The following NLRP11 variants were observed in gnomAD, a reference collection of about 807,000 sequenced individuals.
NLRP11 encodes NACHT, LRR and PYD domains-containing protein 11.
A neutral mutation model predicts 79.3 loss-of-function variants in NLRP11; 53 were observed. The ratio of observed to expected loss-of-function variants is 0.67; its 90% CI spans 0.54 to 0.84. The LOEUF (loss-of-function observed/expected upper bound fraction) is 0.84, where lower values mean the gene tolerates loss of function less well. NLRP11 is among the 40% of genes least tolerant of loss of function. The pLI is 0.00. For missense variants in NLRP11, 1,264 were observed against 1,255.0 expected, an observed-to-expected ratio of 1.01 and a Z score of -0.11; for synonymous variants, 518 against 462.6, an observed-to-expected ratio of 1.12 and a Z score of -1.54.
chr19:55,798,248 T>A, intron 5 of NLRP11: 1 of 840,988 alleles, frequency 1.2e-6, no homozygotes, highest in Non-Finnish European at 1.4e-6. Context: ...TCTGCCCGCC[T>A]CGGCCTCCCA....
At chr19:55,788,351 CAAGAGGA>C (rs964242040) in intron 9 of NLRP11, among the ~76,000 whole-genome samples, 4 of 150,238 alleles carry the variant, frequency 2.7e-5, no homozygotes, top group South Asian at 2.2e-4. Flanking sequence ...TTCAATCTCC[CAAGAGGA>C]AAGACTTTTT....
At chr19:55,799,837 A>G (rs373150124) in intron 5 of NLRP11, among the ~76,000 whole-genome samples, 126 of 152,118 alleles carry the variant, frequency 8.3e-4, no homozygotes, top group African/African-American at 2.9e-3. Context: ...CGTGGTGGCA[A>G]GCTCTTGTAA....
rs1395609774 is a variant in NLRP11, at chr19:55,809,260, G to A, written c.1350C>T (p.His450=). The change falls in exon 3 of 10, where the codon CAC becomes CAT. Residue 450 remains histidine, a synonymous_variant. Coordinates refer to ENST00000589093, the Ensembl canonical transcript of NLRP11. This position sits in a 1 kb window ranked among gnomAD's most constrained non-coding sequence, Gnocchi z 4.5. ...CTGTACAAAACTCCTGGACGTTCAAGTGTATGAACTTGTAACGGTCTTTAT... is the reference window on the plus strand; with the variant it reads ...CTGTACAAAACTCCTGGACGTTCAAATGTATGAACTTGTAACGGTCTTTAT... 2.5e-6 allele frequency: 4 copies of A among 1,614,042 alleles called. No individual in the cohort carries two copies. The highest frequency in any genetic ancestry group is 2.2e-5 in the South Asian group (2 of 91,086).
rs140886418 is a variant in NLRP11 at position 55,814,208 on chromosome 19, A to C, written c.271+3696T>G. On this transcript the variant is annotated intron_variant, in intron 2 of 9. Coordinates refer to ENST00000589093, the Ensembl canonical transcript of NLRP11. ...GAGGGATATAGGTTGCACCCTCCTT[A>C]TGAGAATCTAATGCCTGATGATCTG... Among the ~76,000 whole-genome samples, 224 of 152,238 alleles carry C rather than the reference A, an allele frequency of 1.5e-3. 2 individuals carry two copies. In the South Asian group the frequency reaches 0.015, roughly 10 times the overall value.
At chr19:55,794,819 T>C (rs1353479081) in intron 6 of NLRP11, among the ~76,000 whole-genome samples, 1 of 152,136 alleles carries the variant, frequency 6.6e-6, no homozygotes, top group African/African-American at 2.4e-5. Context: ...GAACAGGAGT[T>C]TCTGGTGTTA....
Position 55,801,493 on chromosome 19 carries a change from A to G in NLRP11, c.2171+79T>C. 2.7e-6 allele frequency: 3 copies of G among 1,132,076 alleles called. 1 individual carries two copies. Among genetic ancestry groups the G allele is most frequent in the South Asian group, 1.4e-5 (1 of 73,156 alleles). The allele number at this position is 1,132,076 out of a possible 1,614,324, so 70.1% of individuals were successfully genotyped here. ...TCAAAAGGTAGGAGCAGGTAGTGTT[A>G]TTGAAGGGGCACCTCTATCCACCAA... On this transcript the variant is annotated intron_variant, in intron 5 of 9. Coordinates refer to ENST00000589093, the Ensembl canonical transcript of NLRP11.
At chr19:55,810,410 T>C in intron 2 of NLRP11, 72 bp from the exon 3 acceptor site, 1 of 1,375,882 alleles carries the variant, frequency 7.3e-7, no homozygotes, top group Non-Finnish European at 9.9e-7. Flanking sequence ...CAGTTTTAGC[T>C]TCTTTTCATG....
intron 7 of NLRP11, 83 bp from the exon 8 acceptor site, chr19:55,789,482 C>T (rs896097598): frequency 2.1e-5 from 26 of 1,266,560 alleles, no homozygotes; most frequent in African/African-American, 4.5e-5. Context: ...TTCTTGGACC[C>T]GTCTTGTGAC....
chr19:55,823,173 G>A (rs1182791212), intron 1 of NLRP11, among the ~76,000 whole-genome samples: 3 of 131,964 alleles, frequency 2.3e-5, no homozygotes, highest in Non-Finnish European at 3.2e-5. Flanking sequence ...CACACGGCAG[G>A]GTATTCCAAC....
chr19:55,791,805 G>C (rs1329629980), intron 7 of NLRP11, among the ~76,000 whole-genome samples: 2 of 152,134 alleles, frequency 1.3e-5, no homozygotes, highest in African/African-American at 2.4e-5. Flanking sequence ...AGTTCAATCA[G>C]AGGCCATTGC....
intron 5 of NLRP11, among the ~76,000 whole-genome samples, chr19:55,798,504 G>A (rs771507910): frequency 2.0e-5 from 3 of 152,072 alleles, no homozygotes; most frequent in Non-Finnish European, 2.9e-5. Context: ...CACTGGGGCC[G>A]ACTTGAGGGC....
intron 1 of NLRP11, among the ~76,000 whole-genome samples, chr19:55,820,831 A>G (rs1270864436): frequency 2.6e-5 from 4 of 152,194 alleles, no homozygotes; most frequent in Non-Finnish European, 4.4e-5. Context: ...TGGTACCCTG[A>G]CATATGTACA....
exon 3 of NLRP11, chr19:55,810,294 G>A: frequency 6.2e-7 from 1 of 1,613,422 alleles, no homozygotes; most frequent in Non-Finnish European, 8.5e-7. Flanking sequence ...TCCCATTGCA[G>A]CATGAATTTT....
At chr19:55,798,013 T>TTTTA (rs1222849423) in intron 5 of NLRP11, among the ~76,000 whole-genome samples, 1 of 151,116 alleles carries the variant, frequency 6.6e-6, no homozygotes, top group African/African-American at 2.4e-5. Flanking sequence ...TTTTTTTTTT[T>TTTTA]GAGATGGAGT....
rs754394840 is a variant in NLRP11, at chr19:55,789,199, G to A, written c.2684+30C>T. The A allele has an allele frequency of 6.3e-6, 10 of 1,587,588 alleles. No homozygotes were observed. In the Admixed American group the frequency reaches 1.6e-4, roughly 26 times the overall value. ...TTTTCTTCAGCTGTTGCTAGCTAAA[G>A]GCAGGGATCTTTCTCCACCAGGCAC... is the stretch of plus-strand genomic sequence containing the variant. On this transcript the variant is annotated intron_variant, in intron 8 of 9. Coordinates refer to ENST00000589093, the Ensembl canonical transcript of NLRP11.
intron 2 of NLRP11, among the ~76,000 whole-genome samples, chr19:55,811,589 G>C (rs1226635858): frequency 6.6e-6 from 1 of 152,108 alleles, no homozygotes; most frequent in African/African-American, 2.4e-5. Context: ...TAGACTACCA[G>C]GGCTGCCTAG....
intron 9 of NLRP11, among the ~76,000 whole-genome samples, chr19:55,788,384 G>A (rs1170243191): frequency 9.1e-6 from 1 of 109,334 alleles, no homozygotes. Flanking sequence ...TTTTTGTATT[G>A]GAAACTGGCA....
chr19:55,787,228 G>GT (rs1193550495), intron 9 of NLRP11, among the ~76,000 whole-genome samples: 2 of 152,142 alleles, frequency 1.3e-5, no homozygotes, highest in Non-Finnish European at 2.9e-5. Flanking sequence ...TTCTACACAC[G>GT]TGACAGTGTG....
At chr19:55,831,187 C>A (rs968094285) in intron 1 of NLRP11, among the ~76,000 whole-genome samples, 1 of 137,838 alleles carries the variant, frequency 7.3e-6, no homozygotes, top group Admixed American at 8.1e-5. Context: ...GAATCATTGA[C>A]TATGGCAGGA....
Sources: allele counts gnomAD v4.1 joint callset (sites outside exome capture counted in the v4.1 genomes callset), GRCh38; gene constraint gnomAD v4.1.1; non-coding constraint Gnocchi (gnomAD v3.1); transcripts MANE v1.5; gene names NCBI Gene and HGNC (gene_info 2026-07-23, HGNC 2026-07-21).